GLP2R: variants seen among roughly 807,000 people sequenced by gnomAD.
GLP2R encodes the protein glucagon like peptide 2 receptor.
GLP2R carries 59 observed loss-of-function variants against 68.2 expected under a neutral mutation model. The observed-to-expected ratio is 0.87, with a 90% CI of 0.70 to 1.07. The LOEUF (loss-of-function observed/expected upper bound fraction) is 1.07, where lower values mean the gene tolerates loss of function less well. Ranked by LOEUF, GLP2R falls within the 50% of genes least tolerant of loss-of-function variation. The pLI, the probability that GLP2R is intolerant of heterozygous loss-of-function variation, is 0.00. For synonymous variants in GLP2R, 270 were observed against 265.4 expected, an observed-to-expected ratio of 1.02 and a Z score of -0.17; for missense variants, 548 against 677.4, an observed-to-expected ratio of 0.81 and a Z score of 2.12.
chr17:9,841,990 T>A (rs1375518216), intron 3 of GLP2R, among the ~76,000 whole-genome samples: 1 of 152,170 alleles, frequency 6.6e-6, no homozygotes, highest in Non-Finnish European at 1.5e-5. Context: ...CATGGAGAGT[T>A]GGTACCAATT....
intron 3 of GLP2R, 136 bp from the exon 4 acceptor site, chr17:9,842,359 C>T: frequency 2.0e-6 from 2 of 989,862 alleles, no homozygotes; most frequent in Non-Finnish European, 3.0e-6. Context: ...CCCAAATAAA[C>T]AGTGAGGATG....
At chr17:9,877,876 C>CAA (rs11329707) in intron 10 of GLP2R, among the ~76,000 whole-genome samples, 11 of 100,648 alleles carry the variant, frequency 1.1e-4, no homozygotes, top group Non-Finnish European at 1.3e-4. Flanking sequence ...GACTCCGTCT[C>CAA]AAAAAAAAAA....
intron 3 of GLP2R, among the ~76,000 whole-genome samples, chr17:9,839,372 G>C (rs1288964759): frequency 6.6e-6 from 1 of 152,000 alleles, no homozygotes; most frequent in African/African-American, 2.4e-5. Context: ...AGTAGAAAAT[G>C]GAGGAGAGGA....
rs2067293584 is a variant in GLP2R at position 9,891,847 on chromosome 17, C to T, written c.*2142C>T. ...GAAAGCTGGGGTCATCTCGTATTCC[C>T]AGCAAGTACCCAGCACAGTGCCGGT... On this transcript the variant is annotated 3_prime_UTR_variant, in exon 13 of 13. Transcript: ENST00000262441. 6.6e-6 allele frequency: 1 copy of T among 152,178 alleles called. No individual in the cohort carries two copies. Among genetic ancestry groups the T allele is most frequent in the African/African-American group, 2.4e-5 (1 of 41,448 alleles). The allele number at this position is 152,178 out of a possible 1,614,324, so 9.4% of individuals were successfully genotyped here.
intron 11 of GLP2R, among the ~76,000 whole-genome samples, chr17:9,887,321 G>A (rs1473004803): frequency 6.6e-6 from 1 of 152,138 alleles, no homozygotes; most frequent in Non-Finnish European, 1.5e-5. Flanking sequence ...GAGGTCAGGA[G>A]TTTGAGACCA....
At chr17:9,842,730 C>T (rs2066799670) in intron 4 of GLP2R, 114 bp downstream of exon 4, 1 of 1,163,156 alleles carries the variant, frequency 8.6e-7, no homozygotes, top group Non-Finnish European at 1.2e-6. Flanking sequence ...TCCAGCGCCT[C>T]TCCCCGGGGA....
intron 10 of GLP2R, among the ~76,000 whole-genome samples, chr17:9,877,557 G>C (rs1033810707): frequency 2.0e-5 from 3 of 152,164 alleles, no homozygotes; most frequent in East Asian, 3.8e-4. Flanking sequence ...TGGTTTCTTA[G>C]TTTTGACAAA....
In GLP2R at chr17:9,889,611, G is replaced by T. The variant is rs16958918; in HGVS notation, c.1568G>T (p.Arg523Leu). The T allele has an allele frequency of 6.2e-7, 1 of 1,613,728 alleles. No homozygotes were observed. The highest frequency in any genetic ancestry group is 1.1e-5 in the South Asian group (1 of 91,068). ...GCCCAGCCCCAACAGGACCATGCAC[G>T]CTGGCCCCGGGGCAGCAGCCTGTCC... Reference protein sequence around the residue: ...LGAQPQQDHARWPRGSSLSEC... With the variant: ...LGAQPQQDHALWPRGSSLSEC... Residue 523 changes from arginine to leucine, a missense_variant, in exon 13 of 13, where the codon CGC (arginine) becomes CTC (leucine). Physicochemically the swap from Arg to Leu is moderately radical, Grantham distance 102. Transcript: ENST00000262441.
intron 7 of GLP2R, among the ~76,000 whole-genome samples, chr17:9,860,544 G>T (rs1028575674): frequency 9.9e-5 from 15 of 152,158 alleles, no homozygotes; most frequent in Non-Finnish European, 2.1e-4. Flanking sequence ...CACATGGTGA[G>T]GAGAGTGAGA....
In GLP2R at chr17:9,890,749, A is replaced by T. The variant is rs1415307645; in HGVS notation, c.*1044A>T. ...TTCAATTTGCCCAGTGGGAATAAAT[A>T]CTGAAAGCAGGAGGGCCCAGGTAAA... On this transcript the variant is annotated 3_prime_UTR_variant, in exon 13 of 13. Coordinates refer to ENST00000262441, the MANE Select transcript of GLP2R (RefSeq NM_004246.3). 2 of 152,252 alleles carry T rather than the reference A, an allele frequency of 1.3e-5. No individual in the cohort carries two copies. The highest frequency in any genetic ancestry group is 2.9e-5 in the Non-Finnish European group (2 of 68,088). The allele number at this position is 152,252 out of a possible 1,614,324, so 9.4% of individuals were successfully genotyped here.
At chr17:9,866,049 G>C (rs2067033595) in intron 9 of GLP2R, 9 of 385,940 alleles carry the variant, frequency 2.3e-5, no homozygotes, top group South Asian at 1.8e-4. Context: ...TAGGATTCTA[G>C]GACTCTGTGC....
chr17:9,859,284 A>C (rs1019481219), intron 6 of GLP2R, among the ~76,000 whole-genome samples: 11 of 152,132 alleles, frequency 7.2e-5, no homozygotes, highest in African/African-American at 2.4e-4. Context: ...TATTGATTTT[A>C]GCTTAATTGA....
chr17:9,836,298 G>A (rs1335709891), intron 2 of GLP2R, 73 bp from the exon 3 acceptor site: 4 of 998,930 alleles, frequency 4.0e-6, no homozygotes, highest in Non-Finnish European at 1.6e-6. Context: ...GGCTCCCACG[G>A]TGCCTCTGCC....
intron 5 of GLP2R, among the ~76,000 whole-genome samples, chr17:9,856,834 G>A (rs1379769498): frequency 1.3e-5 from 2 of 152,156 alleles, no homozygotes; most frequent in East Asian, 1.9e-4. Flanking sequence ...ACCTCCAGTG[G>A]TGGTAAGGAG....
At chr17:9,870,663 G>A (rs2067083746) in intron 9 of GLP2R, 84 bp from the exon 10 acceptor site, 6 of 751,614 alleles carry the variant, frequency 8.0e-6, no homozygotes, top group Non-Finnish European at 1.5e-5. Flanking sequence ...TGATGGAACT[G>A]ATGGCCGAGC....
intron 10 of GLP2R, among the ~76,000 whole-genome samples, chr17:9,871,810 C>T (rs1005768873): frequency 1.3e-5 from 2 of 150,772 alleles, no homozygotes; most frequent in Admixed American, 6.6e-5. Flanking sequence ...CTGCAACCTC[C>T]ACCTCCCAGA....
At chr17:9,833,328 C>T (rs1264826521) in intron 1 of GLP2R, among the ~76,000 whole-genome samples, 2 of 151,130 alleles carry the variant, frequency 1.3e-5, no homozygotes, top group African/African-American at 2.4e-5. Context: ...AAATCATGGT[C>T]ACCTCCAGAG....
At chr17:9,871,817 C>G (rs891141707) in intron 10 of GLP2R, among the ~76,000 whole-genome samples, 1 of 150,334 alleles carries the variant, frequency 6.7e-6, no homozygotes, top group African/African-American at 2.5e-5. Flanking sequence ...CTCCACCTCC[C>G]AGATTCAAGC....
chr17:9,862,170 C>T, intron 9 of GLP2R, 80 bp downstream of exon 9: 1 of 995,092 alleles, frequency 1.0e-6, no homozygotes, highest in African/African-American at 1.6e-5. Flanking sequence ...GACTTCTGTC[C>T]CCCAGGTTCT....
Sources: allele counts gnomAD v4.1 joint callset (sites outside exome capture counted in the v4.1 genomes callset), GRCh38; gene constraint gnomAD v4.1.1; transcripts MANE v1.5; gene names NCBI Gene and HGNC (gene_info 2026-07-23, HGNC 2026-07-21).